UNC50: variants seen among roughly 807,000 people sequenced by gnomAD.
UNC50 encodes unc-50 inner nuclear membrane RNA binding protein.
A neutral mutation model predicts 31.5 loss-of-function variants in UNC50; 24 were observed. The ratio of observed to expected loss-of-function variants is 0.76; its 90% confidence interval spans 0.55 to 1.07. The LOEUF (loss-of-function observed/expected upper bound fraction) is 1.07, where lower values mean the gene tolerates loss of function less well. Ranked by LOEUF, UNC50 falls within the 50% of genes least tolerant of loss-of-function variation. The pLI is 0.00. For missense variants in UNC50, 245 were observed against 304.2 expected (o/e 0.81, Z 1.45); for synonymous variants, 118 against 114.7 (o/e 1.03, Z -0.18).
chr2:98,618,345 TTG>T lies in UNC50; in HGVS notation c.*44_*45del. 1 of 1,539,920 alleles carries T rather than the reference TTG, an allele frequency of 6.5e-7. No individual in the cohort carries two copies. The highest frequency in any genetic ancestry group is 8.7e-7 in the Non-Finnish European group (1 of 1,144,692). ...TTCAATCGTAACTGTGTCAACAGTATTGTGAAGTGATCATTTCTTGTAAAACT... is the reference window on the plus strand; with the variant it reads ...TTCAATCGTAACTGTGTCAACAGTATTGAAGTGATCATTTCTTGTAAAACT... On this transcript the variant is annotated 3_prime_UTR_variant, in exon 6 of 6. Transcript: ENST00000357765.
chr2:98,618,335 G>A lies in UNC50; in HGVS notation c.*31G>A. On this transcript the variant is annotated 3_prime_UTR_variant, in exon 6 of 6. Coordinates refer to ENST00000357765, the MANE Select transcript of UNC50 (RefSeq NM_014044.7). ...GAGAAGAAGATTCAATCGTAACTGT[G>A]TCAACAGTATTGTGAAGTGATCATT... 6.3e-7 allele frequency: 1 copy of A among 1,580,860 alleles called. No homozygotes were observed. The highest frequency in any genetic ancestry group is 1.2e-5 in the South Asian group (1 of 85,518).
chr2:98,618,119 A>ATTT, intron 5 of UNC50, 49 bp from the exon 6 acceptor site: 2 of 1,265,916 alleles, frequency 1.6e-6, no homozygotes, highest in Non-Finnish European at 1.0e-6. Flanking sequence ...TTTATTAGTC[A>ATTT]TTTATTTTTT....
intron 1 of UNC50, 70 bp downstream of exon 1, chr2:98,608,796 C>T (rs1184733902): frequency 1.0e-5 from 3 of 294,154 alleles, no homozygotes; most frequent in South Asian, 6.2e-5. Flanking sequence ...ATCCCGACAG[C>T]TTGCGGCCTG....
chr2:98,613,986 G>T (rs1248957223), intron 3 of UNC50, among the ~76,000 whole-genome samples: 1 of 152,206 alleles, frequency 6.6e-6, no homozygotes, highest in Non-Finnish European at 1.5e-5. Context: ...TGGGAGCATA[G>T]GGTGACACCG....
chr2:98,611,502 A>G (rs1700828558), intron 3 of UNC50, among the ~76,000 whole-genome samples: 1 of 152,218 alleles, frequency 6.6e-6, no homozygotes, highest in African/African-American at 2.4e-5. Context: ...ACAATGGGGC[A>G]GAGGAAGCAA....
At chr2:98,614,684 G>A (rs1265935932) in intron 3 of UNC50, among the ~76,000 whole-genome samples, 1 of 152,220 alleles carries the variant, frequency 6.6e-6, no homozygotes, top group Non-Finnish European at 1.5e-5. Context: ...AATAGGGGCA[G>A]CAGAGAACGT....
At chr2:98,614,691 A>AGGG (rs1700891695) in intron 3 of UNC50, among the ~76,000 whole-genome samples, 1 of 152,210 alleles carries the variant, frequency 6.6e-6, no homozygotes, top group African/African-American at 2.4e-5. Context: ...GCAGCAGAGA[A>AGGG]CGTCTACAGA....
chr2:98,609,667 C>T (rs758705212), intron 1 of UNC50, 89 bp from the exon 2 acceptor site: 1 of 1,583,040 alleles, frequency 6.3e-7, no homozygotes. Flanking sequence ...TGGAAAGTGA[C>T]CTCCCTGCCA....
intron 1 of UNC50, chr2:98,609,414 G>A: frequency 2.7e-6 from 1 of 367,180 alleles, no homozygotes; most frequent in Non-Finnish European, 5.0e-6. Flanking sequence ...TTAAGAGCAC[G>A]GAATTTCGAG....
At chr2:98,613,579 C>CA (rs1456850937) in intron 3 of UNC50, among the ~76,000 whole-genome samples, 1 of 152,142 alleles carries the variant, frequency 6.6e-6, no homozygotes, top group Non-Finnish European at 1.5e-5. Flanking sequence ...TTGTGAGACT[C>CA]ACTGACTATC....
intron 5 of UNC50, 46 bp from the exon 6 acceptor site, chr2:98,618,119 ATTT>A: frequency 7.9e-7 from 1 of 1,265,918 alleles, no homozygotes; most frequent in Non-Finnish European, 1.0e-6. Flanking sequence ...TTTATTAGTC[ATTT>A]ATTTTTTTTT....
In UNC50 at chr2:98,617,331, C is replaced by A. The variant is rs372298336; in HGVS notation, c.643+798C>A. ...TTATTCCCACCCCGGTTCTCTCCCC[C>A]CTTGGCTGGTTTGTCAGGGAACACT... On this transcript the variant is annotated intron_variant, in intron 5 of 5. Transcript: ENST00000357765. Among the ~76,000 whole-genome samples the A allele has an allele frequency of 8.5e-5, 13 of 152,308 alleles. No individual in the cohort carries two copies. The South Asian group carries it at 1.5e-3, about 17-fold the overall frequency.
Position 98,608,595 on chromosome 2 carries a change from C to G in UNC50, c.-136C>G, listed in dbSNP as rs890241262. ...CGCGTCCGCGGCGGAAGTCGGTTCC[C>G]GTGACGCGGCGCGCCCCAAGGGCCG... On this transcript the variant is annotated 5_prime_UTR_variant, in exon 1 of 6. Transcript: ENST00000357765. 3.3e-5 allele frequency: 20 copies of G among 608,102 alleles called. No homozygotes were observed. Among genetic ancestry groups the G allele is most frequent in the Non-Finnish European group, 4.7e-5 (16 of 342,664 alleles). The allele number at this position is 608,102 out of a possible 1,614,324, so 37.7% of individuals were successfully genotyped here. A position where few individuals can be genotyped will look rare whatever the true frequency, so the allele number is the denominator to read the frequency against.
At position 98,618,328 on chromosome 2, in the gene UNC50, T is replaced by TAA; in HGVS notation, c.*25_*26dup. ...AAAAAGTGAGAAGAAGATTCAATCG[T>TAA]AACTGTGTCAACAGTATTGTGAAGT... On this transcript the variant is annotated 3_prime_UTR_variant, in exon 6 of 6. Coordinates refer to ENST00000357765, the MANE Select transcript of UNC50 (RefSeq NM_014044.7). 6.3e-7 allele frequency: 1 copy of TAA among 1,587,346 alleles called. No individual in the cohort carries two copies. The highest frequency in any genetic ancestry group is 8.5e-7 in the Non-Finnish European group (1 of 1,171,234).
Position 98,609,927 on chromosome 2 carries a change from G to T in UNC50, c.168G>T (p.Leu56=). The T allele has an allele frequency of 6.2e-7, 1 of 1,614,168 alleles. No individual in the cohort carries two copies. Among genetic ancestry groups the T allele is most frequent in the Non-Finnish European group, 8.5e-7 (1 of 1,180,034 alleles). The change falls in exon 2 of 6, where the codon CTG becomes CTT. Residue 56 remains leucine (L), a synonymous_variant. Transcript: ENST00000357765. ...FEFAAWQMLY[L]FTSPQRVYRN... ...TTGCTGCCTGGCAGATGCTCTACCT[G>T]TTCACATCCCCACAGAGAGTTTACA...
At chr2:98,609,233 A>G (rs1700774374) in intron 1 of UNC50, 1 of 159,270 alleles carries the variant, frequency 6.3e-6, no homozygotes, top group South Asian at 1.7e-4. Flanking sequence ...GATGTAAAAC[A>G]CTAGGGATCG....
chr2:98,617,461 A>G (rs1700946307), intron 5 of UNC50, among the ~76,000 whole-genome samples: 1 of 152,216 alleles, frequency 6.6e-6, no homozygotes. Context: ...TGATGAGAAC[A>G]CTGCAGCACT....
rs773760950 is a variant in UNC50 at position 98,618,276 on chromosome 2, G to GTTCT, written c.757_760dup (p.Tyr254PhefsTer3). ...GGATGGAACTTCACCCATACTCTCT[G>GTTCT]TTCTTTCTATAAGTACAGAGTGAAA... On this transcript the variant is annotated frameshift_variant, in exon 6 of 6. Transcript: ENST00000357765. LOFTEE classifies it high-confidence loss of function. 1.4e-5 allele frequency: 22 copies of GTTCT among 1,607,170 alleles called. No individual in the cohort carries two copies. The highest frequency in any genetic ancestry group is 4.5e-5 in the South Asian group (4 of 89,648).
At chr2:98,610,592 T>G (rs1327820765) in intron 2 of UNC50, among the ~76,000 whole-genome samples, 183 bp from the exon 3 acceptor site, 1 of 152,208 alleles carries the variant, frequency 6.6e-6, no homozygotes, top group East Asian at 1.9e-4. Context: ...AGGGCCCACC[T>G]CAGGAAACTT....
Sources: gnomAD v4.1 joint callset for allele counts (sites outside exome capture counted in the v4.1 genomes callset) on GRCh38, gnomAD v4.1.1 for gene constraint, MANE v1.5 for transcripts, NCBI Gene and HGNC (gene_info 2026-07-23, HGNC 2026-07-21) for gene names.